SART1: variants seen among roughly 807,000 people sequenced by gnomAD.
The protein encoded by SART1 is spliceosome associated factor 1, recruiter of U4/U6.U5 tri-snRNP.
Under a neutral mutation model 105.0 loss-of-function variants are expected in SART1, and 28 were observed. That is an observed-to-expected ratio of 0.27 (90% CI 0.20 to 0.37). The LOEUF is 0.37. Among genes scored for constraint, SART1 ranks in the 10% least tolerant of loss-of-function variants. The probability of loss-of-function intolerance (pLI) is 1.00; values close to 1 mark genes in which losing one functional copy is unlikely to be tolerated. For missense variants in SART1, 894 were observed against 1,106.5 expected (o/e 0.81, Z 2.72); for synonymous variants, 472 against 462.9 (o/e 1.02, Z -0.25).
In SART1 at chr11:65,966,569, G is replaced by T; in HGVS notation, c.1188+13G>T. 2.0e-6 allele frequency: 3 copies of T among 1,494,192 alleles called. No individual in the cohort carries two copies. The highest frequency in any genetic ancestry group is 8.9e-7 in the Non-Finnish European group (1 of 1,125,762). The allele number at this position is 1,494,192 out of a possible 1,614,324, so 92.6% of individuals were successfully genotyped here. On this transcript the variant is annotated intron_variant, in intron 9 of 19. Coordinates refer to ENST00000312397, the MANE Select transcript of SART1 (RefSeq NM_005146.5). ...GCCTGAGGAGATGGTGAGCCCTCCC[G>T]TGCCTTATACTCGGGGTCAAGATTC...
At chr11:65,967,853 C>T (rs555782802) in intron 12 of SART1, 32 bp downstream of exon 12, 102 of 1,455,570 alleles carry the variant, frequency 7.0e-5, no homozygotes, top group Admixed American at 1.7e-4. Context: ...GTGACTGCGT[C>T]AGCAGTCACC....
rs756777909 is a variant in SART1 at position 65,976,688 on chromosome 11, C to T, written c.1779C>T (p.Asn593=). Residue 593 remains asparagine (N), a synonymous_variant, in exon 14 of 20, where the codon AAC becomes AAT. Transcript: ENST00000312397. The surrounding 1 kb of genome is among the most constrained non-coding windows in gnomAD (Gnocchi z 5.1). The part of the protein sequence containing the change: ...DFERDEERSA[N]GGSESDGEEN... ...AACGGGATGAGGAGCGCTCAGCCAA[C>T]GGTGGCTCCGAATCTGACGGGGAGG... is the stretch of plus-strand genomic sequence containing the variant. The T allele has an allele frequency of 2.4e-5, 39 of 1,613,548 alleles. No homozygotes were observed. The highest frequency in any genetic ancestry group is 3.3e-5 in the Admixed American group (2 of 59,980).
At chr11:65,967,922 T>C in intron 12 of SART1, 101 bp downstream of exon 12, 1 of 998,218 alleles carries the variant, frequency 1.0e-6, no homozygotes, top group Non-Finnish European at 1.4e-6. Flanking sequence ...AAGCCTCTTT[T>C]CCATTTGTTT....
In SART1 at chr11:65,967,538, C is replaced by T. The variant is rs767376560; in HGVS notation, c.1381C>T (p.Leu461=). The change falls in exon 11 of 20, where the codon CTG becomes TTG. Residue 461 remains leucine, a synonymous_variant. Coordinates refer to ENST00000312397, the MANE Select transcript of SART1 (RefSeq NM_005146.5). ...GGAGAAGGAGCCTGTGCCTCAGCCC[C>T]TGCCGTCGGACGACACCCGAGTGGA... ...EEEKEPVPQP[L]PSDDTRVENM... is the part of the protein sequence containing the mutation. The T allele has an allele frequency of 6.2e-7, 1 of 1,612,958 alleles. No homozygotes were observed.
chr11:65,979,221 G>A lies in SART1; in HGVS notation c.*191G>A, dbSNP rs1040207542. On this transcript the variant is annotated 3_prime_UTR_variant, in exon 20 of 20. Transcript: ENST00000312397. ...ACAACTAAACGATGGAAGAGAGAGC[G>A]AGCCCGGGTCCTCTAAGGCTCCTTC... The A allele has an allele frequency of 1.1e-5, 8 of 721,008 alleles. No homozygotes were observed. Among genetic ancestry groups the A allele is most frequent in the African/African-American group, 5.3e-5 (3 of 56,332 alleles). The allele number at this position is 721,008 out of a possible 1,614,324, so 44.7% of individuals were successfully genotyped here. A position where few individuals can be genotyped will look rare whatever the true frequency, so the allele number is the denominator to read the frequency against.
intron 15 of SART1, 88 bp downstream of exon 15, chr11:65,977,189 C>G (rs1855500323): frequency 1.1e-6 from 1 of 942,444 alleles, no homozygotes; most frequent in African/African-American, 1.6e-5. Flanking sequence ...CTCTGCTGCC[C>G]CTTTCTCTCA....
rs766609883 is a variant in SART1, at chr11:65,966,416, C to T, written c.1048C>T (p.Arg350Cys). ...TGAAGGGGAGCGGCCACATTCCTTC[C>T]GCTTGGAGCAGGGCGGCACGGCTGA... ...ELEGERPHSF[R>C]LEQGGTADGL... Residue 350 changes from arginine to cysteine, a missense_variant, in exon 9 of 20, where the codon CGC becomes TGC. Coordinates refer to ENST00000312397, the MANE Select transcript of SART1 (RefSeq NM_005146.5). 4.2e-5 allele frequency: 68 copies of T among 1,613,758 alleles called. No individual in the cohort carries two copies. Among genetic ancestry groups the T allele is most frequent in the Admixed American group, 3.0e-4 (18 of 60,006 alleles).
In SART1 at chr11:65,978,480, C is replaced by T; in HGVS notation, c.2173-120C>T. The T allele has an allele frequency of 2.1e-6, 2 of 933,026 alleles. No homozygotes were observed. Among genetic ancestry groups the T allele is most frequent in the South Asian group, 1.5e-5 (1 of 67,950 alleles). The allele number at this position is 933,026 out of a possible 1,614,324, so 57.8% of individuals were successfully genotyped here. On this transcript the variant is annotated intron_variant, in intron 17 of 19. Coordinates refer to ENST00000312397, the MANE Select transcript of SART1 (RefSeq NM_005146.5). The surrounding 1 kb of genome is among the most constrained non-coding windows in gnomAD (Gnocchi z 6.8). ...CTCTTTTCCCATCCCCTTCCCACTGCACCCCAGGCCTGGCATTGGGGTCAA... is the reference window on the plus strand; with the variant it reads ...CTCTTTTCCCATCCCCTTCCCACTGTACCCCAGGCCTGGCATTGGGGTCAA...
chr11:65,967,167 G>A lies in SART1; in HGVS notation c.1189-92G>A. ...AGCGCTCAGGACGCTGGCTAGCACAGAGGAACACCAAAGAAGTGTTCACCC... is the reference window on the plus strand; with the variant it reads ...AGCGCTCAGGACGCTGGCTAGCACAAAGGAACACCAAAGAAGTGTTCACCC... On this transcript the variant is annotated intron_variant, in intron 9 of 19. Coordinates refer to ENST00000312397, the MANE Select transcript of SART1 (RefSeq NM_005146.5). 2.6e-6 allele frequency: 4 copies of A among 1,545,586 alleles called. No individual in the cohort carries two copies. In the South Asian group the frequency reaches 5.0e-5, roughly 19 times the overall value.
rs1428434319 is a variant in SART1 at position 65,978,226 on chromosome 11, C to T, written c.2172+327C>T. The T allele has an allele frequency of 2.0e-6, 1 of 499,116 alleles. No individual in the cohort carries two copies. Among genetic ancestry groups the T allele is most frequent in the South Asian group, 2.2e-5 (1 of 45,748 alleles). The allele number at this position is 499,116 out of a possible 1,614,324, so 30.9% of individuals were successfully genotyped here. A position where few individuals can be genotyped will look rare whatever the true frequency, so the allele number is the denominator to read the frequency against. ...GCAGGGCCATTCCAGCGTCCAGGCCCTTCCAGCACTCTCGTAGGCCGCCCG... is the reference window on the plus strand; with the variant it reads ...GCAGGGCCATTCCAGCGTCCAGGCCTTTCCAGCACTCTCGTAGGCCGCCCG... On this transcript the variant is annotated intron_variant, in intron 17 of 19. Transcript: ENST00000312397. This position sits in a 1 kb window ranked among gnomAD's most constrained non-coding sequence, Gnocchi z 6.8.
At position 65,977,040 on chromosome 11, in the gene SART1, G is replaced by C. The variant is rs1325529049; in HGVS notation, c.1884G>C (p.Leu628=). The C allele has an allele frequency of 6.2e-7, 1 of 1,613,976 alleles. No individual in the cohort carries two copies. The highest frequency in any genetic ancestry group is 8.5e-7 in the Non-Finnish European group (1 of 1,179,982). The change falls in exon 15 of 20, where the codon CTG becomes CTC. Residue 628 remains leucine (L), a synonymous_variant. Transcript: ENST00000312397. The stretch of plus-strand genomic sequence containing the variant: ...TCTCTGCTTCCTCCACCACCATCCT[G>C]GACGAGGAACCGATCGTGAATAGGG... ...QDFSASSTTI[L]DEEPIVNRGL...
At chr11:65,975,366 G>A (rs1590643473) in intron 12 of SART1, among the ~76,000 whole-genome samples, 1 of 149,126 alleles carries the variant, frequency 6.7e-6, no homozygotes, top group Middle Eastern at 3.6e-3. Flanking sequence ...GCCTCCCAAA[G>A]TGCTAGGATT....
intron 12 of SART1, among the ~76,000 whole-genome samples, chr11:65,974,496 T>C (rs1855443910): frequency 6.6e-6 from 1 of 150,994 alleles, no homozygotes; most frequent in African/African-American, 2.4e-5. Flanking sequence ...CTGGGCAACA[T>C]GGTGAAACCC....
Position 65,976,556 on chromosome 11 carries a change from G to A in SART1, c.1734G>A (p.Gln578=). Reference sequence around the variant, plus strand: ...GGCTGGCTGGCAATCGCGAGGAGCAGGAGGAGCTCATGGTGCGTCTGGGGC... The same window carrying A: ...GGCTGGCTGGCAATCGCGAGGAGCAAGAGGAGCTCATGGTGCGTCTGGGGC... ...TYGLAGNREE[Q]EELMDFERDE... Residue 578 remains glutamine (Q), a synonymous_variant, in exon 13 of 20, where the codon CAG becomes CAA. Transcript: ENST00000312397. The surrounding 1 kb of genome is among the most constrained non-coding windows in gnomAD (Gnocchi z 5.1). The A allele has an allele frequency of 6.2e-7, 1 of 1,612,204 alleles. No individual in the cohort carries two copies. Among genetic ancestry groups the A allele is most frequent in the East Asian group, 2.2e-5 (1 of 44,858 alleles).
chr11:65,971,876 A>G lies in SART1; in HGVS notation c.1572+4055A>G, dbSNP rs1034954494. Among the ~76,000 whole-genome samples the G allele has an allele frequency of 1.1e-4, 17 of 152,192 alleles. No homozygotes were observed. In the South Asian group the frequency reaches 3.5e-3, roughly 31 times the overall value. Reference sequence around the variant, plus strand: ...TACTGGATTGAAGTTAATACAGTCAATGAGCTAGAAAGAAAGGCTGGAGAG... The same window carrying G: ...TACTGGATTGAAGTTAATACAGTCAGTGAGCTAGAAAGAAAGGCTGGAGAG... On this transcript the variant is annotated intron_variant, in intron 12 of 19. Transcript: ENST00000312397.
At chr11:65,970,718 C>T (rs1178097507) in intron 12 of SART1, among the ~76,000 whole-genome samples, 2 of 149,648 alleles carry the variant, frequency 1.3e-5, no homozygotes, top group Non-Finnish European at 3.0e-5. Context: ...GGGAGAAGAG[C>T]AGGCCTGCCA....
In SART1 at chr11:65,971,730, AG is replaced by A. The variant is rs1855383595; in HGVS notation, c.1572+3912del. Reference sequence around the variant, plus strand: ...CTAGGGAGGAGGGACAAGGCAGTTAAGGGTTTCACAAAGGAGAGGTTCTGTT... The same window carrying A: ...CTAGGGAGGAGGGACAAGGCAGTTAAGGTTTCACAAAGGAGAGGTTCTGTT... On this transcript the variant is annotated intron_variant, in intron 12 of 19. Transcript: ENST00000312397. Among the ~76,000 whole-genome samples the A allele has an allele frequency of 3.3e-5, 5 of 152,116 alleles. 1 individual carries two copies. Among genetic ancestry groups the A allele is most frequent in the Middle Eastern group, 6.8e-3 (2 of 294 alleles).
intron 3 of SART1, among the ~76,000 whole-genome samples, chr11:65,964,843 C>T (rs143988028): frequency 0.012 from 1,898 of 152,196 alleles, 17 homozygotes; most frequent in Non-Finnish European, 0.022. Flanking sequence ...CTGCGCTGTG[C>T]GGGGGTGGGT....
In SART1 at chr11:65,964,507, G is replaced by A. The variant is rs1855208078; in HGVS notation, c.372-8G>A. ...ATAGCCCCTAACACTTGTATCTCTT[G>A]TTGTCAGCAAACTCCGGGCAAAGTT... On this transcript the variant is annotated splice_polypyrimidine_tract_variant and splice_region_variant and intron_variant, in intron 2 of 19. Transcript: ENST00000312397. 1.2e-6 allele frequency: 2 copies of A among 1,612,666 alleles called. No individual in the cohort carries two copies. Among genetic ancestry groups the A allele is most frequent in the African/African-American group, 1.3e-5 (1 of 74,854 alleles).
Sources: gnomAD v4.1 joint callset for allele counts (sites outside exome capture counted in the v4.1 genomes callset) on GRCh38, gnomAD v4.1.1 for gene constraint, Gnocchi (gnomAD v3.1) non-coding constraint, MANE v1.5 for transcripts, NCBI Gene and HGNC (gene_info 2026-07-23, HGNC 2026-07-21) for gene names.